Variants in THBS2 observed in about 807,000 individuals in gnomAD.
The protein encoded by THBS2 is thrombospondin-2.
THBS2 carries 47 observed loss-of-function variants against 135.2 expected under a neutral mutation model. That is an observed-to-expected ratio of 0.35 (90% CI 0.28 to 0.44). THBS2 has a LOEUF of 0.44. Ranked by LOEUF, THBS2 falls within the 20% of genes least tolerant of loss-of-function variation. THBS2 has a pLI of 1.00. For missense variants in THBS2, 1,288 were observed against 1,603.1 expected (o/e 0.80, Z 3.36); for synonymous variants, 639 against 633.8 (o/e 1.01, Z -0.12).
intron 4 of THBS2, among the ~76,000 whole-genome samples, chr6:169,243,862 G>A (rs916931581): frequency 5.9e-5 from 9 of 152,176 alleles, no homozygotes; most frequent in African/African-American, 1.7e-4. Flanking sequence ...AAATAATAAT[G>A]GCTCAGCCTC....
intron 21 of THBS2, among the ~76,000 whole-genome samples, chr6:169,219,063 T>C (rs1583402278): frequency 1.3e-5 from 2 of 149,650 alleles, no homozygotes; most frequent in African/African-American, 4.9e-5. Flanking sequence ...GATGGATGGA[T>C]GGATGGATGA....
intron 15 of THBS2, 66 bp from the exon 16 acceptor site, chr6:169,226,364 C>T: frequency 7.6e-7 from 1 of 1,315,158 alleles, no homozygotes; most frequent in Admixed American, 1.8e-5. Flanking sequence ...TTAGAAAAAG[C>T]ACATTGTTTT....
intron 9 of THBS2, among the ~76,000 whole-genome samples, chr6:169,236,098 C>T: frequency 7.9e-6 from 1 of 126,636 alleles, no homozygotes; most frequent in Non-Finnish European, 1.7e-5. Flanking sequence ...CCCATCCACA[C>T]TCACTCCCCA....
Position 169,225,396 on chromosome 6 carries a change from G to T in THBS2, c.2539-17C>A. On this transcript the variant is annotated splice_polypyrimidine_tract_variant and intron_variant, in intron 16 of 21. Transcript: ENST00000617924. The stretch of plus-strand genomic sequence containing the variant: ...CACGTCGGTCTAGGGGATGGGGCGT[G>T]AGAGAAACAGCAGAGGACTGCCAGT... 6.4e-7 allele frequency: 1 copy of T among 1,551,064 alleles called. No homozygotes were observed. Among genetic ancestry groups the T allele is most frequent in the Non-Finnish European group, 8.7e-7 (1 of 1,146,070 alleles).
chr6:169,222,602 C>CT lies in THBS2; in HGVS notation c.3002-135dup, dbSNP rs1373267270. The CT allele has an allele frequency of 1.2e-5, 12 of 969,102 alleles. No homozygotes were observed. In the African/African-American group the frequency reaches 1.8e-4, roughly 15 times the overall value. 60.0% of individuals were successfully genotyped at this position (969,102 alleles called of 1,614,324 possible). A position where few individuals can be genotyped will look rare whatever the true frequency, so the allele number is the denominator to read the frequency against. On this transcript the variant is annotated intron_variant, in intron 18 of 21. Transcript: ENST00000617924. ...CTGAGGTCAAGAGTTCGAGACTGGTCTGACCAATATGGTGAAACCTTGTCT... is the reference window on the plus strand; with the variant it reads ...CTGAGGTCAAGAGTTCGAGACTGGTCTTGACCAATATGGTGAAACCTTGTCT...
At chr6:169,243,418 CA>C in intron 4 of THBS2, among the ~76,000 whole-genome samples, 1 of 152,370 alleles carries the variant, frequency 6.6e-6, no homozygotes. Context: ...TGCTCCCTCT[CA>C]GGGGTGAAGA....
Position 169,241,300 on chromosome 6 carries a change from C to G in THBS2, c.891+462G>C, listed in dbSNP as rs1275949247. ...CTCTTCCTGGCCGCGCTGTGCCGCT[C>G]AAACCCATTTCACTCCTGCCAGCCT... On this transcript the variant is annotated intron_variant, in intron 5 of 21. Transcript: ENST00000617924. The surrounding 1 kb of genome is among the most constrained non-coding windows in gnomAD (Gnocchi z 5.5). Among the ~76,000 whole-genome samples the G allele has an allele frequency of 6.6e-6, 1 of 152,172 alleles. No individual in the cohort carries two copies. Among genetic ancestry groups the G allele is most frequent in the African/African-American group, 2.4e-5 (1 of 41,436 alleles).
At chr6:169,238,559 G>A (rs547755201) in intron 7 of THBS2, among the ~76,000 whole-genome samples, 1 of 152,244 alleles carries the variant, frequency 6.6e-6, no homozygotes, top group African/African-American at 2.4e-5. Context: ...TTTATGCTTT[G>A]CCAGGAGCAT....
At position 169,222,521 on chromosome 6, in the gene THBS2, G is replaced by T. The variant is rs1464153898; in HGVS notation, c.3002-53C>A. 8.9e-6 allele frequency: 14 copies of T among 1,572,934 alleles called. No individual in the cohort carries two copies. In the Admixed American group the frequency reaches 2.4e-4, roughly 27 times the overall value. On this transcript the variant is annotated intron_variant, in intron 18 of 21. Coordinates refer to ENST00000617924, the MANE Select transcript of THBS2 (RefSeq NM_003247.5). ...AGAAACACCTTTCAGGTGGCCGGGAGTAGTGACTCATGCCTGTAATCCCAG... is the reference window on the plus strand; with the variant it reads ...AGAAACACCTTTCAGGTGGCCGGGATTAGTGACTCATGCCTGTAATCCCAG...
In THBS2 at chr6:169,252,349, C is replaced by T. The variant is rs180986719; in HGVS notation, c.-23+1375G>A. Among the ~76,000 whole-genome samples the T allele has an allele frequency of 1.2e-4, 18 of 152,280 alleles. No homozygotes were observed. The East Asian group carries it at 2.3e-3, about 20-fold the overall frequency. ...TTAGAATACACAGCTCAGGTACAGC[C>T]TTGGCAGGCTCTTCCCACCTCCCCA... On this transcript the variant is annotated intron_variant, in intron 1 of 21. Transcript: ENST00000617924. This position sits in a 1 kb window ranked among gnomAD's most constrained non-coding sequence, Gnocchi z 4.3.
chr6:169,231,885 G>A, intron 13 of THBS2, 95 bp downstream of exon 13: 1 of 1,406,000 alleles, frequency 7.1e-7, no homozygotes, highest in South Asian at 1.3e-5. Flanking sequence ...CAAATTCCCT[G>A]TGCTGCCCCC....
rs193039832 is a variant in THBS2 at position 169,222,030 on chromosome 6, C to T, written c.3273+167G>A. The stretch of plus-strand genomic sequence containing the variant: ...AATTATCAACTGTGTTGAGTTGTAA[C>T]CCCAGGCACAGTGTCTATAATAAAG... On this transcript the variant is annotated intron_variant, in intron 19 of 21. Transcript: ENST00000617924. Among the ~76,000 whole-genome samples the T allele has an allele frequency of 2.6e-3, 403 of 152,274 alleles. 3 individuals are homozygous for T. Among genetic ancestry groups the T allele is most frequent in the African/African-American group, 9.2e-3 (381 of 41,538 alleles).
Position 169,248,873 on chromosome 6 carries a change from G to T in THBS2, c.153C>A (p.Gly51=). 2 of 1,612,658 alleles carry T rather than the reference G, an allele frequency of 1.2e-6. No homozygotes were observed. Among genetic ancestry groups the T allele is most frequent in the Non-Finnish European group, 1.7e-6 (2 of 1,180,014 alleles). The change falls in exon 3 of 22, where the codon GGC becomes GGA. Residue 51 remains glycine, a synonymous_variant. Coordinates refer to ENST00000617924, the MANE Select transcript of THBS2 (RefSeq NM_003247.5). ...GAKQFRGPDP[G]VPAYRFVRFD... The stretch of plus-strand genomic sequence containing the variant: ...AGCGCACGAAGCGGTAAGCCGGCAC[G>T]CCGGGGTCGGGCCCGCGGAACTGCT...
chr6:169,238,918 C>T (rs868268079), intron 7 of THBS2, among the ~76,000 whole-genome samples: 3 of 152,088 alleles, frequency 2.0e-5, no homozygotes, highest in Admixed American at 1.3e-4. Context: ...ACCTTGCCAA[C>T]GGCACGGCAC....
At chr6:169,245,684 C>G (rs994175309) in intron 4 of THBS2, among the ~76,000 whole-genome samples, 42 of 150,830 alleles carry the variant, frequency 2.8e-4, no homozygotes, top group African/African-American at 1.0e-3. Context: ...CCCAGCTACT[C>G]AGGAGGCTGA....
At chr6:169,222,808 G>GA (rs757472145) in intron 18 of THBS2, among the ~76,000 whole-genome samples, 1 of 108,954 alleles carries the variant, frequency 9.2e-6, no homozygotes, top group Non-Finnish European at 2.0e-5. Flanking sequence ...AAAAAAAAAA[G>GA]AAAAAAAAGA....
intron 3 of THBS2, 146 bp downstream of exon 3, chr6:169,248,271 G>T: frequency 1.0e-6 from 1 of 958,158 alleles, no homozygotes; most frequent in Non-Finnish European, 1.6e-6. Context: ...GCACGCATGT[G>T]TGTGAGCACA....
chr6:169,228,510 G>A (rs1372045270), intron 14 of THBS2, among the ~76,000 whole-genome samples: 1 of 151,662 alleles, frequency 6.6e-6, no homozygotes, highest in African/African-American at 2.4e-5. Context: ...GGCAGGGCAC[G>A]GAGGCTCACA....
rs751745322 is a variant in THBS2 at position 169,232,046 on chromosome 6, C to T, written c.2085G>A (p.Ser695=). 4 of 1,613,958 alleles carry T rather than the reference C, an allele frequency of 2.5e-6. No homozygotes were observed. The East Asian group carries it at 8.9e-5, about 36-fold the overall frequency. Reference sequence around the variant, plus strand: ...TGAGGTTGGGCCAGCCGTCCAGGTCCGAGTCCTCCCCGCAGATGAGCCCGT... The same window carrying T: ...TGAGGTTGGGCCAGCCGTCCAGGTCTGAGTCCTCCCCGCAGATGAGCCCGT... ...AGDGLICGED[S]DLDGWPNLNL... The change falls in exon 13 of 22, where the codon TCG becomes TCA. Residue 695 remains serine (S), a synonymous_variant. Transcript: ENST00000617924.
Sources: gnomAD v4.1 joint callset for allele counts (sites outside exome capture counted in the v4.1 genomes callset) on GRCh38, gnomAD v4.1.1 for gene constraint, Gnocchi (gnomAD v3.1) non-coding constraint, MANE v1.5 for transcripts, NCBI Gene and HGNC (gene_info 2026-07-23, HGNC 2026-07-21) for gene names.